CPNE5: variants seen among roughly 807,000 people sequenced by gnomAD.
CPNE5 encodes the protein copine-5.
Under a neutral mutation model 81.1 loss-of-function variants are expected in CPNE5, and 42 were observed. That is an observed-to-expected ratio of 0.52 (90% CI 0.40 to 0.67). The LOEUF (loss-of-function observed/expected upper bound fraction) is 0.67, where lower values mean the gene tolerates loss of function less well. Among genes scored for constraint, CPNE5 ranks in the 30% least tolerant of loss-of-function variants. The pLI is 0.00. For synonymous variants in CPNE5, 313 were observed against 321.5 expected (o/e 0.97, Z 0.28); for missense variants, 612 against 815.5 (o/e 0.75, Z 3.04).
At chr6:36,778,747 G>A in intron 9 of CPNE5, 107 bp downstream of exon 9, 1 of 784,316 alleles carries the variant, frequency 1.3e-6, no homozygotes, top group Non-Finnish European at 2.2e-6. Flanking sequence ...TAGAGCAGAA[G>A]GAGATGGGCC....
chr6:36,811,977 G>A (rs140916003), intron 3 of CPNE5, among the ~76,000 whole-genome samples: 2,019 of 151,932 alleles, frequency 0.013, 42 homozygotes, highest in African/African-American at 0.045. Context: ...GGTGGCATAT[G>A]CCTGTAATCC....
At chr6:36,818,261 C>T (rs113423185) in intron 3 of CPNE5, among the ~76,000 whole-genome samples, 12 of 152,300 alleles carry the variant, frequency 7.9e-5, no homozygotes, top group African/African-American at 2.9e-4. Context: ...GGCCTTCTGG[C>T]TGCGACTTTC....
chr6:36,810,055 G>T (rs1174185149), intron 3 of CPNE5, among the ~76,000 whole-genome samples: 2 of 152,052 alleles, frequency 1.3e-5, no homozygotes, highest in African/African-American at 4.8e-5. Flanking sequence ...GCAACCCATG[G>T]TGGGCGAGGA....
At chr6:36,812,967 A>G (rs1368077624) in intron 3 of CPNE5, among the ~76,000 whole-genome samples, 1 of 152,228 alleles carries the variant, frequency 6.6e-6, no homozygotes, top group African/African-American at 2.4e-5. Flanking sequence ...ATAATGGTCT[A>G]TGTGGAATGA....
chr6:36,775,172 G>A (rs1221796871), intron 9 of CPNE5, 107 bp from the exon 10 acceptor site: 6 of 776,084 alleles, frequency 7.7e-6, no homozygotes, highest in South Asian at 1.6e-5. Flanking sequence ...CCTGGACGAC[G>A]GAAATGATGG....
At chr6:36,782,620 A>G (rs553166746) in intron 8 of CPNE5, among the ~76,000 whole-genome samples, 1 of 152,012 alleles carries the variant, frequency 6.6e-6, no homozygotes, top group African/African-American at 2.4e-5. Flanking sequence ...CCTGACCAAC[A>G]TGCCAAAACC....
intron 3 of CPNE5, among the ~76,000 whole-genome samples, chr6:36,800,563 G>A (rs1294218802): frequency 1.3e-5 from 2 of 152,162 alleles, no homozygotes; most frequent in Non-Finnish European, 2.9e-5. Context: ...AAACACAAGG[G>A]CATAGGCAGG....
rs1369179183 is a variant in CPNE5, at chr6:36,743,742, C to T, written c.1510G>A (p.Asp504Asn). ...EFDAMVELDGDDVRISSRGKL... is the reference protein window; with the variant it reads ...EFDAMVELDGNDVRISSRGKL... ...CCCCGGGAGGAGATCCGCACGTCGT[C>T]GCCATCCAGCTCCACCATGGCTGTG... Residue 504 changes from aspartate to asparagine, a missense_variant, in exon 20 of 21, where the codon GAC (aspartate) becomes AAC (asparagine). Physicochemically the swap from Asp to Asn is conservative, Grantham distance 23. Coordinates refer to ENST00000244751, the MANE Select transcript of CPNE5 (RefSeq NM_020939.2). The T allele has an allele frequency of 1.4e-5, 22 of 1,612,362 alleles. No individual in the cohort carries two copies. Among genetic ancestry groups the T allele is most frequent in the Non-Finnish European group, 1.7e-5 (20 of 1,179,970 alleles).
intron 14 of CPNE5, among the ~76,000 whole-genome samples, chr6:36,748,998 G>A (rs1008579699): frequency 2.0e-5 from 3 of 152,124 alleles, no homozygotes; most frequent in African/African-American, 4.8e-5. Flanking sequence ...ATGCAGTGGC[G>A]TGATCACAGC....
chr6:36,761,783 T>C (rs1409541201), intron 12 of CPNE5, among the ~76,000 whole-genome samples: 2 of 152,172 alleles, frequency 1.3e-5, no homozygotes, highest in Non-Finnish European at 2.9e-5. Flanking sequence ...AGAGTCAGGA[T>C]ACGAACACAA....
At position 36,839,225 on chromosome 6, in the gene CPNE5, G is replaced by A. The variant is rs539129651; in HGVS notation, c.95+58C>T. On this transcript the variant is annotated intron_variant, in intron 1 of 20. Transcript: ENST00000244751. The surrounding 1 kb of genome is among the most constrained non-coding windows in gnomAD (Gnocchi z 7.3). ...GAGGTTTAGGATCGAAGCGGCAGGG[G>A]CCGCGGGGCTCTGCGTCCAGGGCCG... 1.5e-6 allele frequency: 2 copies of A among 1,311,794 alleles called. No individual in the cohort carries two copies. Among genetic ancestry groups the A allele is most frequent in the African/African-American group, 3.0e-5 (2 of 67,240 alleles). 81.3% of individuals were successfully genotyped at this position (1,311,794 alleles called of 1,614,324 possible).
chr6:36,757,480 G>A (rs1765596889), intron 12 of CPNE5: 1 of 577,672 alleles, frequency 1.7e-6, no homozygotes, highest in African/African-American at 2.0e-5. Context: ...TCTGGGTAGT[G>A]ACAGGATTAG....
intron 2 of CPNE5, among the ~76,000 whole-genome samples, chr6:36,822,418 T>C (rs1772139944): frequency 1.3e-5 from 2 of 151,622 alleles, no homozygotes. Flanking sequence ...AGGGGTTGCG[T>C]TGGAGAAGGG....
Position 36,748,201 on chromosome 6 carries a change from C to T in CPNE5, c.1018+20G>A. On this transcript the variant is annotated intron_variant, in intron 15 of 20. Transcript: ENST00000244751. Reference sequence around the variant, plus strand: ...AGCTCTCTCCTCCCACCCTGCTCCTCTACCCATCCCCCAACTCACCATTGG... The same window carrying T: ...AGCTCTCTCCTCCCACCCTGCTCCTTTACCCATCCCCCAACTCACCATTGG... 6 of 1,613,348 alleles carry T rather than the reference C, an allele frequency of 3.7e-6. No individual in the cohort carries two copies. Among genetic ancestry groups the T allele is most frequent in the Non-Finnish European group, 5.1e-6 (6 of 1,179,220 alleles).
rs1326540836 is a variant in CPNE5, at chr6:36,746,028, G to A, written c.1200+368C>T. ...ATGACGCCATGCTCCACATCACCCTGGAGATCCACGTCATCCCATCTCAGC... is the reference window on the plus strand; with the variant it reads ...ATGACGCCATGCTCCACATCACCCTAGAGATCCACGTCATCCCATCTCAGC... On this transcript the variant is annotated intron_variant, in intron 16 of 20. Transcript: ENST00000244751. The surrounding 1 kb of genome is among the most constrained non-coding windows in gnomAD (Gnocchi z 4.5). 2 of 300,240 alleles carry A rather than the reference G, an allele frequency of 6.7e-6. No individual in the cohort carries two copies. The highest frequency in any genetic ancestry group is 9.8e-6 in the Non-Finnish European group (2 of 203,692). 18.6% of individuals were successfully genotyped at this position (300,240 alleles called of 1,614,324 possible). A position where few individuals can be genotyped will look rare whatever the true frequency, so the allele number is the denominator to read the frequency against.
chr6:36,763,903 C>CACA, intron 11 of CPNE5, among the ~76,000 whole-genome samples: 1 of 152,114 alleles, frequency 6.6e-6, no homozygotes, highest in Non-Finnish European at 1.5e-5. Context: ...CTGCAGTGCC[C>CACA]ACACCTTCTG....
At chr6:36,750,757 G>A (rs1003644665) in intron 14 of CPNE5, among the ~76,000 whole-genome samples, 4 of 152,208 alleles carry the variant, frequency 2.6e-5, no homozygotes, top group African/African-American at 9.7e-5. Flanking sequence ...GCCACTCTTG[G>A]GAAGATGATT....
intron 10 of CPNE5, among the ~76,000 whole-genome samples, chr6:36,768,169 A>G (rs1439459959): frequency 2.0e-5 from 3 of 148,336 alleles, no homozygotes; most frequent in Non-Finnish European, 3.0e-5. Flanking sequence ...GCCCAGAGAC[A>G]GGGGGAAGAC....
chr6:36,800,485 C>T (rs1329880855), intron 3 of CPNE5, among the ~76,000 whole-genome samples: 2 of 152,170 alleles, frequency 1.3e-5, no homozygotes, highest in Admixed American at 1.3e-4. Flanking sequence ...AACTTGCGCC[C>T]ACTCCATGAC....
Sources: gnomAD v4.1 joint callset for allele counts (sites outside exome capture counted in the v4.1 genomes callset) on GRCh38, gnomAD v4.1.1 for gene constraint, Gnocchi (gnomAD v3.1) non-coding constraint, MANE v1.5 for transcripts, NCBI Gene and HGNC (gene_info 2026-07-23, HGNC 2026-07-21) for gene names.